Variants in CSMD3 observed in about 807,000 individuals in gnomAD.
The protein encoded by CSMD3 is CUB and sushi domain-containing protein 3.
A neutral mutation model predicts 435.2 loss-of-function variants in CSMD3; 177 were observed. The ratio of observed to expected loss-of-function variants is 0.41; its 90% CI spans 0.36 to 0.46. The LOEUF (loss-of-function observed/expected upper bound fraction) is 0.46. Ranked by LOEUF, CSMD3 falls within the 20% of genes least tolerant of loss-of-function variation. The probability of loss-of-function intolerance (pLI) is 0.34; values close to 1 mark genes in which losing one functional copy is unlikely to be tolerated. For synonymous variants in CSMD3, 1,656 were observed against 1,520.5 expected, an observed-to-expected ratio of 1.09 and a Z score of -2.07; for missense variants, 4,265 against 4,504.6, an observed-to-expected ratio of 0.95 and a Z score of 1.52.
chr8:112,618,480 A>G (rs891425880), intron 22 of CSMD3, among the ~76,000 whole-genome samples: 1 of 152,102 alleles, frequency 6.6e-6, no homozygotes, highest in African/African-American at 2.4e-5. Context: ...TCTTCATTGT[A>G]TGCCTTGGAT....
intron 2 of CSMD3, among the ~76,000 whole-genome samples, chr8:113,287,636 C>G (rs926170511): frequency 6.6e-6 from 1 of 151,910 alleles, no homozygotes; most frequent in Admixed American, 6.6e-5. Flanking sequence ...GCTGGGTATA[C>G]ATGTAAATAT....
At chr8:112,892,591 T>C (rs1004718159) in intron 10 of CSMD3, among the ~76,000 whole-genome samples, 1 of 151,584 alleles carries the variant, frequency 6.6e-6, no homozygotes, top group African/African-American at 2.4e-5. Context: ...AAGTGCTTTA[T>C]GGAAACATCA....
At position 112,305,996 on chromosome 8, in the gene CSMD3, G is replaced by A. The variant is rs1386337209; in HGVS notation, c.8071+11C>T. ...GAAAAACAAGTGATGAAATTCCCTT[G>A]ACACACATACCAACACAGCGAGGGG... On this transcript the variant is annotated intron_variant, in intron 51 of 70. Coordinates refer to ENST00000297405, the MANE Select transcript of CSMD3 (RefSeq NM_198123.2). 5 of 1,608,754 alleles carry A rather than the reference G, an allele frequency of 3.1e-6. No homozygotes were observed. The highest frequency in any genetic ancestry group is 2.2e-5 in the East Asian group (1 of 44,812).
intron 3 of CSMD3, among the ~76,000 whole-genome samples, chr8:113,206,763 T>C (rs981291596): frequency 1.3e-5 from 2 of 152,156 alleles, no homozygotes; most frequent in African/African-American, 4.8e-5. Context: ...TTGCCTTATA[T>C]ACATGAATGG....
intron 1 of CSMD3, among the ~76,000 whole-genome samples, chr8:113,350,010 T>C (rs2094178996): frequency 6.6e-6 from 1 of 151,734 alleles, no homozygotes; most frequent in African/African-American, 2.4e-5. Context: ...GAGTCTAGAG[T>C]CCGAGGCTAC....
intron 1 of CSMD3, among the ~76,000 whole-genome samples, chr8:113,347,728 C>T (rs1003120861): frequency 3.9e-5 from 6 of 152,052 alleles, no homozygotes; most frequent in African/African-American, 1.4e-4. Context: ...TGCTGACAGA[C>T]GGCTGCTAGC....
intron 10 of CSMD3, among the ~76,000 whole-genome samples, chr8:112,905,488 C>A (rs145136265): frequency 1.2e-3 from 179 of 151,332 alleles, no homozygotes; most frequent in African/African-American, 3.7e-3. Context: ...GTTGTTCTTA[C>A]ATCAAACAGC....
intron 27 of CSMD3, among the ~76,000 whole-genome samples, chr8:112,537,758 A>T (rs1235018926): frequency 6.6e-6 from 1 of 151,878 alleles, no homozygotes; most frequent in Non-Finnish European, 1.5e-5. Flanking sequence ...TCAATAAAAA[A>T]CTCAGGAACG....
At chr8:112,757,767 T>G (rs1355428071) in intron 13 of CSMD3, among the ~76,000 whole-genome samples, 1 of 152,032 alleles carries the variant, frequency 6.6e-6, no homozygotes, top group Non-Finnish European at 1.5e-5. Flanking sequence ...ATTATATAAT[T>G]TTTAGGCCAG....
intron 38 of CSMD3, among the ~76,000 whole-genome samples, chr8:112,366,739 C>G (rs1208025658): frequency 6.6e-6 from 1 of 152,010 alleles, no homozygotes; most frequent in Non-Finnish European, 1.5e-5. Flanking sequence ...CTTTTGACTT[C>G]CTTTTCTTTT....
chr8:112,583,101 A>C (rs981455492), intron 23 of CSMD3, among the ~76,000 whole-genome samples: 1 of 152,062 alleles, frequency 6.6e-6, no homozygotes, highest in Admixed American at 6.6e-5. Context: ...AATAATTTAG[A>C]CCAAGGTAAT....
At chr8:113,367,843 T>G (rs1166728846) in intron 1 of CSMD3, among the ~76,000 whole-genome samples, 1 of 152,102 alleles carries the variant, frequency 6.6e-6, no homozygotes, top group Non-Finnish European at 1.5e-5. Flanking sequence ...ACCTCTAAAG[T>G]GTCTTTGCCT....
intron 3 of CSMD3, among the ~76,000 whole-genome samples, chr8:113,268,854 C>T (rs545908433): frequency 2.7e-4 from 41 of 152,098 alleles, no homozygotes; most frequent in Non-Finnish European, 4.9e-4. Flanking sequence ...TCACCCATTC[C>T]TTTGGATATA....
intron 13 of CSMD3, 79 bp downstream of exon 13, chr8:112,800,083 A>G: frequency 6.4e-6 from 6 of 931,788 alleles, no homozygotes; most frequent in Non-Finnish European, 8.8e-6. Flanking sequence ...TTAATTTTGT[A>G]GATGCAATTA....
chr8:112,492,425 T>C lies in CSMD3; in HGVS notation c.5278+64A>G, dbSNP rs1056001946. On this transcript the variant is annotated intron_variant, in intron 31 of 70. Transcript: ENST00000297405. ...TAGTTGATGTTCTGAAACACAGAAATGTCTTTAAATATTTTTTGATTTTTT... is the reference window on the plus strand; with the variant it reads ...TAGTTGATGTTCTGAAACACAGAAACGTCTTTAAATATTTTTTGATTTTTT... The C allele has an allele frequency of 1.5e-5, 19 of 1,264,886 alleles. No homozygotes were observed. The African/African-American group carries it at 2.2e-4, about 15-fold the overall frequency. The allele number at this position is 1,264,886 out of a possible 1,614,324, so 78.4% of individuals were successfully genotyped here.
chr8:113,373,148 C>A (rs904544004), intron 1 of CSMD3, among the ~76,000 whole-genome samples: 1 of 152,024 alleles, frequency 6.6e-6, no homozygotes, highest in Non-Finnish European at 1.5e-5. Flanking sequence ...AATCTGTAAA[C>A]AACAGTAAAG....
rs1435307383 is a variant in CSMD3, at chr8:112,783,220, C to T, written c.1972+16942G>A. ...AAAGAGTAGAGTTTTTATCAGTTTT[C>T]TTTCTGCTTGTTAATTTGTTTTGCA... On this transcript the variant is annotated intron_variant, in intron 13 of 70. Coordinates refer to ENST00000297405, the MANE Select transcript of CSMD3 (RefSeq NM_198123.2). Among the ~76,000 whole-genome samples, 15 of 151,798 alleles carry T rather than the reference C, an allele frequency of 9.9e-5. No individual in the cohort carries two copies. In the East Asian group the frequency reaches 2.9e-3, roughly 30 times the overall value.
chr8:113,284,775 T>C (rs902747885), intron 2 of CSMD3, among the ~76,000 whole-genome samples: 2 of 152,208 alleles, frequency 1.3e-5, no homozygotes, highest in Non-Finnish European at 2.9e-5. Flanking sequence ...TAAAATTTAG[T>C]TTTTTGCATA....
intron 57 of CSMD3, among the ~76,000 whole-genome samples, chr8:112,288,029 A>G (rs1009558011): frequency 7.8e-6 from 1 of 128,838 alleles, no homozygotes; most frequent in Non-Finnish European, 1.8e-5. Context: ...CGAGCTAGAG[A>G]GAAAGAGAGA....
Sources: allele counts gnomAD v4.1 joint callset (sites outside exome capture counted in the v4.1 genomes callset), GRCh38; gene constraint gnomAD v4.1.1; transcripts MANE v1.5; gene names NCBI Gene and HGNC (gene_info 2026-07-23, HGNC 2026-07-21).